PRR16: variants seen among roughly 807,000 people sequenced by gnomAD.
PRR16 encodes the protein proline rich 16, also known as protein Largen.
In PRR16, 6 loss-of-function variants were observed where a neutral mutation model predicts 18.2. The observed-to-expected ratio is 0.33, with a 90% confidence interval of 0.18 to 0.65. The LOEUF (loss-of-function observed/expected upper bound fraction) is 0.65, where lower values mean the gene tolerates loss of function less well. Ranked by LOEUF, PRR16 falls within the 30% of genes least tolerant of loss-of-function variation. The pLI is 0.74. For missense variants in PRR16, 412 were observed against 376.6 expected (o/e 1.09, Z -0.78); for synonymous variants, 151 against 147.8 (o/e 1.02, Z -0.16).
chr5:120,705,880 C>A, the PRR16 span, among the ~76,000 whole-genome samples: 102,207 of 151,938 alleles, frequency 0.67, 36,745 homozygotes, highest in East Asian at 0.87. Context: ...ACAAGAGACC[C>A]TAAAAAATAT....
the PRR16 span, among the ~76,000 whole-genome samples, chr5:120,737,470 C>A: frequency 1.3e-5 from 2 of 151,328 alleles, no homozygotes; most frequent in Admixed American, 6.6e-5. Flanking sequence ...ACTTGTATTC[C>A]AGGAATAAAT....
the PRR16 span, among the ~76,000 whole-genome samples, chr5:120,726,572 A>T: frequency 6.6e-6 from 1 of 152,204 alleles, no homozygotes. Context: ...TACTATTTTG[A>T]TTCTTACAAA....
At chr5:120,582,437 C>G (rs1290111554) in intron 1 of PRR16, among the ~76,000 whole-genome samples, 1 of 151,182 alleles carries the variant, frequency 6.6e-6, no homozygotes, top group African/African-American at 2.4e-5. Flanking sequence ...TGACATGTAC[C>G]CCTGAATCTA....
intron 1 of PRR16, among the ~76,000 whole-genome samples, chr5:120,650,376 A>G (rs1254846113): frequency 1.3e-5 from 2 of 150,372 alleles, no homozygotes; most frequent in Non-Finnish European, 3.0e-5. Context: ...TGTGCACAAC[A>G]TGCAGGTTTG....
chr5:120,772,530 C>T, the PRR16 span, among the ~76,000 whole-genome samples: 2 of 151,994 alleles, frequency 1.3e-5, no homozygotes, highest in African/African-American at 2.4e-5. Flanking sequence ...TATTTCCTAG[C>T]ATTATTAGTA....
the PRR16 span, among the ~76,000 whole-genome samples, chr5:120,711,726 A>G: frequency 6.6e-6 from 1 of 152,218 alleles, no homozygotes; most frequent in African/African-American, 2.4e-5. Context: ...CTTGTAGTGC[A>G]TAAGAGATAG....
At chr5:120,672,540 A>ATGTG (rs5870916) in intron 1 of PRR16, among the ~76,000 whole-genome samples, 53,017 of 147,156 alleles carry the variant, frequency 0.36, 10,058 homozygotes, top group East Asian at 0.79. Context: ...ATAGATATAT[A>ATGTG]TGTGTGTGTG....
intron 1 of PRR16, among the ~76,000 whole-genome samples, chr5:120,512,313 C>A (rs549971622): frequency 2.6e-5 from 4 of 152,258 alleles, no homozygotes; most frequent in East Asian, 1.9e-4. Flanking sequence ...CTCCAGGCGA[C>A]CAAATCCCTT....
intron 1 of PRR16, among the ~76,000 whole-genome samples, chr5:120,470,198 G>T (rs766777810): frequency 2.6e-5 from 4 of 152,032 alleles, no homozygotes; most frequent in Non-Finnish European, 4.4e-5. Flanking sequence ...ATTCCAGTAG[G>T]TCGCTGATTC....
intron 1 of PRR16, among the ~76,000 whole-genome samples, chr5:120,643,737 G>T (rs1755499281): frequency 6.6e-6 from 1 of 152,090 alleles, no homozygotes; most frequent in South Asian, 2.1e-4. Flanking sequence ...GGGCATGGTG[G>T]CTCACACCTG....
chr5:120,731,330 A>G, the PRR16 span, among the ~76,000 whole-genome samples: 1 of 152,220 alleles, frequency 6.6e-6, no homozygotes, highest in Non-Finnish European at 1.5e-5. Context: ...CTATAGGAGA[A>G]GCCTTGCATA....
At chr5:120,565,371 G>C (rs2112724847) in intron 1 of PRR16, among the ~76,000 whole-genome samples, 1 of 152,208 alleles carries the variant, frequency 6.6e-6, no homozygotes, top group South Asian at 2.1e-4. Flanking sequence ...GTGGTAAGTT[G>C]GTGTAGTTAC....
chr5:120,537,714 T>G (rs1306946928), intron 1 of PRR16, among the ~76,000 whole-genome samples: 15 of 152,050 alleles, frequency 9.9e-5, no homozygotes, highest in Admixed American at 9.8e-4. Context: ...GTTTTTAAAC[T>G]TTCAAATAAT....
At chr5:120,465,087 G>T (rs1749031900) in intron 1 of PRR16, among the ~76,000 whole-genome samples, 1 of 152,138 alleles carries the variant, frequency 6.6e-6, no homozygotes. Flanking sequence ...GGGCTGAAGA[G>T]GGGCCGGGTT....
At chr5:120,470,609 C>T (rs933780129) in intron 1 of PRR16, among the ~76,000 whole-genome samples, 4 of 152,050 alleles carry the variant, frequency 2.6e-5, no homozygotes, top group African/African-American at 7.2e-5. Flanking sequence ...TCCAGCTTTT[C>T]ATGGTTATTA....
At chr5:120,502,846 C>CA (rs1174278104) in intron 1 of PRR16, among the ~76,000 whole-genome samples, 4 of 152,034 alleles carry the variant, frequency 2.6e-5, no homozygotes, top group African/African-American at 9.7e-5. Flanking sequence ...TGTTGCGTCC[C>CA]AAAAAATAAT....
chr5:120,718,646 G>C, the PRR16 span, among the ~76,000 whole-genome samples: 404 of 152,128 alleles, frequency 2.7e-3, 4 homozygotes, highest in Middle Eastern at 3.4e-3. Flanking sequence ...ACTACAATAC[G>C]TAGTTACAAT....
intron 1 of PRR16, among the ~76,000 whole-genome samples, chr5:120,495,636 G>A (rs965766925): frequency 6.6e-6 from 1 of 152,042 alleles, no homozygotes; most frequent in Non-Finnish European, 1.5e-5. Context: ...ACTGTAGTAT[G>A]TTATTTTTAA....
chr5:120,508,218 A>C (rs1279030254), intron 1 of PRR16, among the ~76,000 whole-genome samples: 1 of 152,146 alleles, frequency 6.6e-6, no homozygotes, highest in Non-Finnish European at 1.5e-5. Context: ...CAAAACTTCC[A>C]TCTTGAGAAG....
Sources: allele counts gnomAD v4.1 joint callset (sites outside exome capture counted in the v4.1 genomes callset), GRCh38; gene constraint gnomAD v4.1.1; transcripts MANE v1.5; gene names NCBI Gene and HGNC (gene_info 2026-07-23, HGNC 2026-07-21).